SESN3: variants seen among roughly 807,000 people sequenced by gnomAD.
SESN3 encodes the protein sestrin-3.
SESN3 carries 21 observed loss-of-function variants against 55.3 expected under a neutral mutation model. The observed-to-expected ratio is 0.38, with a 90% confidence interval of 0.27 to 0.55. The LOEUF is 0.55. Ranked by LOEUF, SESN3 falls within the 20% of genes least tolerant of loss-of-function variation. The pLI, the probability that SESN3 is intolerant of heterozygous loss-of-function variation, is 0.76. For missense variants in SESN3, 408 were observed against 604.3 expected (o/e 0.68, Z 3.41); for synonymous variants, 181 against 203.1 (o/e 0.89, Z 0.93).
At chr11:95,216,459 C>T (rs1221222238) in intron 1 of SESN3, among the ~76,000 whole-genome samples, 1 of 152,162 alleles carries the variant, frequency 6.6e-6, no homozygotes, top group Non-Finnish European at 1.5e-5. Context: ...TATACACTGT[C>T]ACAATGAGTT....
chr11:95,231,780 G>A (rs1220460021), upstream of SESN3: 1 of 152,190 alleles, frequency 6.6e-6, no homozygotes, highest in Non-Finnish European at 1.5e-5. Flanking sequence ...TTTGTATCCA[G>A]GGATCTCAAA....
At chr11:95,189,581 C>T (rs1384439177) in intron 4 of SESN3, among the ~76,000 whole-genome samples, 198 bp downstream of exon 4, 3 of 151,898 alleles carry the variant, frequency 2.0e-5, no homozygotes, top group African/African-American at 4.8e-5. Flanking sequence ...CATAGCCATT[C>T]ACCAAACTAG....
chr11:95,230,097 C>G lies in SESN3; in HGVS notation c.78+686G>C, dbSNP rs11021092. 29,160 of 151,882 alleles carry G rather than the reference C, an allele frequency of 0.19. 3,670 individuals carry two copies. Among genetic ancestry groups the G allele is most frequent in the East Asian group, 0.43 (2,204 of 5,182 alleles). The allele number at this position is 151,882 out of a possible 1,614,324, so 9.4% of individuals were successfully genotyped here. On this transcript the variant is annotated intron_variant, in intron 1 of 9. Transcript: ENST00000536441. The surrounding 1 kb of genome is among the most constrained non-coding windows in gnomAD (Gnocchi z 4.6). ...TCATTTTTCTGGATCAACACGGGGG[C>G]AGGGGGGTGCTAAGGAGGAATAACC...
At chr11:95,182,397 C>T (rs1860073571) in intron 6 of SESN3, among the ~76,000 whole-genome samples, 1 of 152,156 alleles carries the variant, frequency 6.6e-6, no homozygotes, top group African/African-American at 2.4e-5. Flanking sequence ...TGTCTGTTCC[C>T]AGTTATATGC....
At chr11:95,175,681 C>A in intron 8 of SESN3, 39 bp from the exon 9 acceptor site, 2 of 1,547,438 alleles carry the variant, frequency 1.3e-6, no homozygotes, top group South Asian at 2.3e-5. Flanking sequence ...ATGACAAAAT[C>A]AAAATATTTA....
Position 95,212,413 on chromosome 11 carries a change from C to G in SESN3, c.78+18370G>C, listed in dbSNP as rs61893709. On this transcript the variant is annotated intron_variant, in intron 1 of 9. Coordinates refer to ENST00000536441, the MANE Select transcript of SESN3 (RefSeq NM_144665.4). ...TTTTTTAAGTCTTCAAAAATCCTAG[C>G]ATACATATTAATTAAATAATTCTAA... Among the ~76,000 whole-genome samples, 756 of 152,128 alleles carry G rather than the reference C, an allele frequency of 5.0e-3. 3 individuals carry two copies. Among genetic ancestry groups the G allele is most frequent in the Non-Finnish European group, 8.2e-3 (559 of 67,938 alleles).
chr11:95,180,519 G>C (rs1487746012), intron 6 of SESN3, among the ~76,000 whole-genome samples: 2 of 152,074 alleles, frequency 1.3e-5, no homozygotes, highest in East Asian at 1.9e-4. Flanking sequence ...ATAAAGAAAA[G>C]AGACGGTGTT....
intron 1 of SESN3, among the ~76,000 whole-genome samples, chr11:95,195,933 T>C (rs746088240): frequency 2.0e-5 from 3 of 152,208 alleles, no homozygotes; most frequent in African/African-American, 4.8e-5. Flanking sequence ...TTTTATTGTA[T>C]GCTTCTTTGT....
Position 95,167,689 on chromosome 11 carries a change from A to G in SESN3, c.*5566T>C, listed in dbSNP as rs1859776355. On this transcript the variant is annotated 3_prime_UTR_variant, in exon 10 of 10. Transcript: ENST00000536441. ...TCAGGTTGAGTTGTTCATGAATGAG[A>G]TGGAAAACAACCAAATACTACAAGA... The G allele has an allele frequency of 6.6e-6, 1 of 152,188 alleles. No homozygotes were observed. The highest frequency in any genetic ancestry group is 2.1e-4 in the South Asian group (1 of 4,832). 9.4% of individuals were successfully genotyped at this position (152,188 alleles called of 1,614,324 possible).
chr11:95,190,525 T>C (rs184455731), intron 3 of SESN3, among the ~76,000 whole-genome samples: 34 of 152,138 alleles, frequency 2.2e-4, no homozygotes, highest in African/African-American at 6.5e-4. Context: ...TATTATTTTA[T>C]TCTTTCTATT....
At chr11:95,193,359 A>G in intron 2 of SESN3, 98 bp downstream of exon 2, 1 of 750,822 alleles carries the variant, frequency 1.3e-6, no homozygotes, top group Non-Finnish European at 2.2e-6. Flanking sequence ...CTCAAAAGCA[A>G]AATTCATTCC....
chr11:95,183,521 A>G, intron 6 of SESN3, among the ~76,000 whole-genome samples: 1 of 152,008 alleles, frequency 6.6e-6, no homozygotes, highest in Non-Finnish European at 1.5e-5. Context: ...GCCCTCTTTT[A>G]GATCAACAGA....
At chr11:95,212,106 A>T (rs1860666050) in intron 1 of SESN3, among the ~76,000 whole-genome samples, 1 of 152,216 alleles carries the variant, frequency 6.6e-6, no homozygotes, top group African/African-American at 2.4e-5. Flanking sequence ...TATTTTTAAA[A>T]ATCATTAAAA....
At chr11:95,197,445 C>CTT (rs5793719) in intron 1 of SESN3, among the ~76,000 whole-genome samples, 13 of 136,364 alleles carry the variant, frequency 9.5e-5, no homozygotes, top group South Asian at 4.7e-4. Flanking sequence ...CTTTTCTTTT[C>CTT]TTTTTTTTTT....
chr11:95,177,971 A>G (rs1455857618), intron 7 of SESN3, 62 bp from the exon 8 acceptor site: 5 of 1,140,298 alleles, frequency 4.4e-6, no homozygotes, highest in Non-Finnish European at 6.2e-6. Flanking sequence ...TCTATGTATT[A>G]TTAAATATAA....
intron 1 of SESN3, among the ~76,000 whole-genome samples, chr11:95,227,189 T>C (rs73530851): frequency 0.025 from 3,763 of 152,126 alleles, 159 homozygotes; most frequent in African/African-American, 0.086. Flanking sequence ...TTTCTTTTTT[T>C]TTTTTGTCTT....
intron 1 of SESN3, chr11:95,224,407 C>T (rs1379537639): frequency 2.4e-6 from 1 of 411,110 alleles, no homozygotes; most frequent in Admixed American, 3.2e-5. Context: ...CAACTGACAA[C>T]AATCATTGTC....
intron 9 of SESN3, 80 bp from the exon 10 acceptor site, chr11:95,173,421 T>A: frequency 1.3e-6 from 1 of 791,640 alleles, no homozygotes; most frequent in Non-Finnish European, 2.2e-6. Context: ...AAGGTTTTTT[T>A]ATGTGTATAT....
chr11:95,173,695 T>C (rs1859898585), intron 9 of SESN3, among the ~76,000 whole-genome samples: 1 of 146,824 alleles, frequency 6.8e-6, no homozygotes, highest in Admixed American at 6.8e-5. Context: ...TCAGCCCTCA[T>C]TTTTTTTTTT....
Sources: gnomAD v4.1 joint callset for allele counts (sites outside exome capture counted in the v4.1 genomes callset) on GRCh38, gnomAD v4.1.1 for gene constraint, Gnocchi (gnomAD v3.1) non-coding constraint, MANE v1.5 for transcripts, NCBI Gene and HGNC (gene_info 2026-07-23, HGNC 2026-07-21) for gene names.